SLC22A16: variants seen among roughly 807,000 people sequenced by gnomAD.
SLC22A16 encodes the protein WUGSC:RG331P03.1.
Under a neutral mutation model 52.9 loss-of-function variants are expected in SLC22A16, and 53 were observed. That is an observed-to-expected ratio of 1.00 (90% CI 0.80 to 1.26). SLC22A16 has a LOEUF of 1.26. Ranked by LOEUF, SLC22A16 falls within the 50% of genes most tolerant of loss-of-function variation. The probability of loss-of-function intolerance (pLI) is 0.00; values close to 1 mark genes in which losing one functional copy is unlikely to be tolerated. For synonymous variants in SLC22A16, 291 were observed against 268.8 expected, an observed-to-expected ratio of 1.08 and a Z score of -0.81; for missense variants, 726 against 704.0, an observed-to-expected ratio of 1.03 and a Z score of -0.35.
At chr6:110,450,481 A>T (rs1775333467) in intron 2 of SLC22A16, among the ~76,000 whole-genome samples, 1 of 151,810 alleles carries the variant, frequency 6.6e-6, no homozygotes, top group Non-Finnish European at 1.5e-5. Flanking sequence ...GCATGGCGGC[A>T]CATGCCTGTA....
chr6:110,436,074 C>A (rs1190758764), intron 5 of SLC22A16, 113 bp from the exon 6 acceptor site: 7 of 673,750 alleles, frequency 1.0e-5, no homozygotes, highest in South Asian at 1.9e-5. Context: ...TTTTTCAGAA[C>A]AATGAAGACC....
intron 1 of SLC22A16, among the ~76,000 whole-genome samples, chr6:110,459,510 G>A (rs1445207139): frequency 6.6e-6 from 1 of 152,156 alleles, no homozygotes; most frequent in Non-Finnish European, 1.5e-5. Flanking sequence ...GACTGCCAAG[G>A]TCACAAAAAA....
chr6:110,448,479 T>A (rs1036378718), intron 2 of SLC22A16, among the ~76,000 whole-genome samples: 3 of 152,222 alleles, frequency 2.0e-5, no homozygotes, highest in Non-Finnish European at 4.4e-5. Context: ...AAGAATATTG[T>A]CTGGAGAGTC....
intron 2 of SLC22A16, among the ~76,000 whole-genome samples, chr6:110,454,648 T>TTA: frequency 2.1e-5 from 1 of 46,922 alleles, no homozygotes; most frequent in East Asian, 7.5e-4. Context: ...ATTATATATT[T>TTA]TATATATATT....
chr6:110,438,687 T>C, intron 5 of SLC22A16, 33 bp downstream of exon 5: 1 of 1,602,988 alleles, frequency 6.2e-7, no homozygotes, highest in Non-Finnish European at 8.5e-7. Context: ...TGTCACAGTA[T>C]AACTGTCTTA....
chr6:110,466,550 A>G (rs1776069264), intron 1 of SLC22A16, among the ~76,000 whole-genome samples: 1 of 152,176 alleles, frequency 6.6e-6, no homozygotes. Flanking sequence ...ATCATCAGAG[A>G]AATGCAAATT....
At position 110,442,321 on chromosome 6, in the gene SLC22A16, C is replaced by T; in HGVS notation, c.1106G>A (p.Gly369Glu). 1 of 1,614,158 alleles carries T rather than the reference C, an allele frequency of 6.2e-7. No homozygotes were observed. The highest frequency in any genetic ancestry group is 8.5e-7 in the Non-Finnish European group (1 of 1,180,028). ...GGAAAACGAGTAGAATCCCAAACTTCCAGTGAACCAGATTAGCCAAACGGT... is the reference window on the plus strand; with the variant it reads ...GGAAAACGAGTAGAATCCCAAACTTTCAGTGAACCAGATTAGCCAAACGGT... ...TLTVWLIWFT[G>E]SLGFYSFSLN... The change falls in exon 4 of 8, where the codon GGA (glycine) becomes GAA (glutamate). Residue 369 changes from glycine (G) to glutamate (E), a missense_variant. Coordinates refer to ENST00000368919, the MANE Select transcript of SLC22A16 (RefSeq NM_033125.4).
In SLC22A16 at chr6:110,424,906, C is replaced by G. The variant is rs748989233; in HGVS notation, c.1701G>C (p.Ala567=). The change falls in exon 8 of 8, where the codon GCG becomes GCC. Residue 567 remains alanine (A), a synonymous_variant. Transcript: ENST00000368919. ...TNNSGLEKTE[A]ITPRDSGLGE ...CAAGACCAGAATCCCTGGGGGTAAT[C>G]GCTTCCGTTTTTTCCAGCCCACTAT... is the stretch of plus-strand genomic sequence containing the variant. 1 of 1,614,098 alleles carries G rather than the reference C, an allele frequency of 6.2e-7. No homozygotes were observed. Among genetic ancestry groups the G allele is most frequent in the Non-Finnish European group, 8.5e-7 (1 of 1,180,038 alleles).
At chr6:110,465,128 G>T (rs946188749) in intron 1 of SLC22A16, among the ~76,000 whole-genome samples, 2 of 150,468 alleles carry the variant, frequency 1.3e-5, no homozygotes, top group Non-Finnish European at 3.0e-5. Context: ...AACAAACTAG[G>T]CATCAAAGTA....
intron 1 of SLC22A16, among the ~76,000 whole-genome samples, chr6:110,470,918 A>T (rs1398426639): frequency 1.3e-5 from 2 of 152,222 alleles, no homozygotes; most frequent in Non-Finnish European, 2.9e-5. Flanking sequence ...TGACATTCAA[A>T]ATACTGGACA....
At chr6:110,459,585 C>T (rs576252209) in intron 1 of SLC22A16, among the ~76,000 whole-genome samples, 51 of 152,054 alleles carry the variant, frequency 3.4e-4, no homozygotes, top group African/African-American at 9.9e-4. Flanking sequence ...GACTGGATCC[C>T]GGAACAGGAA....
chr6:110,447,646 GA>G lies in SLC22A16; in HGVS notation c.534-657del, dbSNP rs202088511. 7.6e-4 allele frequency among the ~76,000 whole-genome samples: 115 copies of G among 152,228 alleles called. 1 individual carries two copies. The East Asian group carries it at 9.5e-3, about 13-fold the overall frequency. On this transcript the variant is annotated intron_variant, in intron 2 of 7. Coordinates refer to ENST00000368919, the MANE Select transcript of SLC22A16 (RefSeq NM_033125.4). ...ACTCCCAAAAGAAACTCTGTGCCCA[GA>G]AGCTGCCACCCCCTCTTCCCTGCTC...
At chr6:110,468,417 G>A (rs1354583631) in intron 1 of SLC22A16, among the ~76,000 whole-genome samples, 1 of 152,150 alleles carries the variant, frequency 6.6e-6, no homozygotes, top group Non-Finnish European at 1.5e-5. Flanking sequence ...GGCCAAGGCA[G>A]GTGGATTACC....
intron 5 of SLC22A16, among the ~76,000 whole-genome samples, chr6:110,437,182 A>G (rs1039142632): frequency 7.2e-4 from 110 of 152,346 alleles, no homozygotes; most frequent in Middle Eastern, 3.4e-3. Flanking sequence ...TGTTAATTAA[A>G]TTAGTATTTG....
In SLC22A16 at chr6:110,442,419, AT is replaced by A; in HGVS notation, c.1007del (p.Asn336IlefsTer29). ...LSLDLQGPVSNSPTEVQKHNL... is the reference protein window; with the variant it reads ...LSLDLQGPVSXSPTEVQKHNL... ...TGTGCTTCTGAACTTCAGTGGGGCT[AT>A]TACTAACAGGACCTTGTAGGTCCAG... On this transcript the variant is annotated frameshift_variant, in exon 4 of 8. Transcript: ENST00000368919. LOFTEE classifies it high-confidence loss of function. 6.2e-7 allele frequency: 1 copy of A among 1,614,254 alleles called. No individual in the cohort carries two copies. Among genetic ancestry groups the A allele is most frequent in the Non-Finnish European group, 8.5e-7 (1 of 1,180,042 alleles).
intron 5 of SLC22A16, among the ~76,000 whole-genome samples, chr6:110,437,578 CTTAAA>C (rs1455385814): frequency 6.6e-6 from 1 of 152,146 alleles, no homozygotes; most frequent in Non-Finnish European, 1.5e-5. Flanking sequence ...CACTTGTTAG[CTTAAA>C]TTAAATTTCA....
At chr6:110,463,035 A>G (rs1287038187) in intron 1 of SLC22A16, among the ~76,000 whole-genome samples, 1 of 152,056 alleles carries the variant, frequency 6.6e-6, no homozygotes, top group Non-Finnish European at 1.5e-5. Context: ...AAGCCTCATA[A>G]AAGAAGGAGA....
intron 1 of SLC22A16, among the ~76,000 whole-genome samples, chr6:110,463,523 A>AAAAAAAAAAAAAAAAAAAC: frequency 1.3e-5 from 2 of 149,582 alleles, no homozygotes; most frequent in African/African-American, 2.4e-5. Flanking sequence ...GTAAAAAAAA[A>AAAAAAAAAAAAAAAAAAAC]AAAAAAAAAA....
At chr6:110,473,230 C>T (rs1373112620) in intron 1 of SLC22A16, among the ~76,000 whole-genome samples, 1 of 152,074 alleles carries the variant, frequency 6.6e-6, no homozygotes, top group Admixed American at 6.6e-5. Context: ...CAAAACAAAA[C>T]AAAACCCTAC....
Sources: allele counts gnomAD v4.1 joint callset (sites outside exome capture counted in the v4.1 genomes callset), GRCh38; gene constraint gnomAD v4.1.1; transcripts MANE v1.5; gene names NCBI Gene and HGNC (gene_info 2026-07-23, HGNC 2026-07-21).